ESRRG: variants seen among roughly 807,000 people sequenced by gnomAD.
ESRRG encodes the protein estrogen-related receptor gamma.
In ESRRG, 13 loss-of-function variants were observed where a neutral mutation model predicts 44.0. The observed-to-expected ratio is 0.30, with a 90% CI of 0.19 to 0.47. The LOEUF is 0.47. ESRRG is among the 20% of genes least tolerant of loss of function. The pLI is 1.00. For missense variants in ESRRG, 395 were observed against 580.6 expected, an observed-to-expected ratio of 0.68 and a Z score of 3.29; for synonymous variants, 215 against 214.6, an observed-to-expected ratio of 1.00 and a Z score of -0.02.
At chr1:216,876,152 A>G (rs1577530108) in intron 2 of ESRRG, among the ~76,000 whole-genome samples, 1 of 152,316 alleles carries the variant, frequency 6.6e-6, no homozygotes, top group East Asian at 1.9e-4. Context: ...CTGGAACAGT[A>G]CAATCTTGGA....
chr1:216,861,934 C>A (rs2149103028), intron 2 of ESRRG, among the ~76,000 whole-genome samples: 1 of 152,204 alleles, frequency 6.6e-6, no homozygotes, highest in South Asian at 2.1e-4. Context: ...TAAATGAGCA[C>A]ATGAAAGATG....
intron 3 of ESRRG, among the ~76,000 whole-genome samples, chr1:216,609,378 T>A (rs1029828898): frequency 2.0e-5 from 3 of 152,168 alleles, no homozygotes; most frequent in Non-Finnish European, 4.4e-5. Context: ...AAGTCAACAC[T>A]TATTCTGTAC....
At chr1:216,680,151 A>G (rs2076795590) in intron 1 of ESRRG, among the ~76,000 whole-genome samples, 1 of 152,184 alleles carries the variant, frequency 6.6e-6, no homozygotes, top group African/African-American at 2.4e-5. Context: ...CTTAATTAAT[A>G]TCTTTTGCCC....
Position 216,509,428 on chromosome 1 carries a change from T to C in ESRRG, c.1133-2245A>G, listed in dbSNP as rs531150414. Reference sequence around the variant, plus strand: ...CCAAATTCTATCATTTGGTCCTGTTTCTAATTACTAGAACAATACAGGATA... The same window carrying C: ...CCAAATTCTATCATTTGGTCCTGTTCCTAATTACTAGAACAATACAGGATA... On this transcript the variant is annotated intron_variant, in intron 6 of 6. Coordinates refer to ENST00000408911, the MANE Select transcript of ESRRG (RefSeq NM_001438.4). Among the ~76,000 whole-genome samples the C allele has an allele frequency of 2.4e-4, 36 of 152,330 alleles. No individual in the cohort carries two copies. In the South Asian group the frequency reaches 6.8e-3, roughly 29 times the overall value.
At chr1:217,028,941 A>T (rs1213693893) in intron 1 of ESRRG, among the ~76,000 whole-genome samples, 1 of 152,214 alleles carries the variant, frequency 6.6e-6, no homozygotes, top group African/African-American at 2.4e-5. Context: ...ACCAAAAGCT[A>T]TGTTAGCCAT....
chr1:216,833,720 C>T (rs530339446), intron 2 of ESRRG, among the ~76,000 whole-genome samples: 2 of 152,144 alleles, frequency 1.3e-5, no homozygotes, highest in Non-Finnish European at 2.9e-5. Flanking sequence ...AGTATAGCTG[C>T]CCTCAGGCTA....
intron 6 of ESRRG, among the ~76,000 whole-genome samples, chr1:216,511,026 G>C (rs1444664840): frequency 1.3e-5 from 2 of 152,106 alleles, no homozygotes; most frequent in Non-Finnish European, 2.9e-5. Context: ...GTATGGAATT[G>C]AATATTAGAT....
At chr1:216,659,830 C>A (rs1040058109) in intron 2 of ESRRG, among the ~76,000 whole-genome samples, 1 of 152,056 alleles carries the variant, frequency 6.6e-6, no homozygotes, top group African/African-American at 2.4e-5. Context: ...GTGGAATTGC[C>A]CCCTTCCTGT....
intron 1 of ESRRG, among the ~76,000 whole-genome samples, chr1:217,075,466 T>C (rs1158856614): frequency 1.3e-5 from 2 of 152,150 alleles, no homozygotes; most frequent in Admixed American, 1.3e-4. Context: ...CTAACACTTT[T>C]AGTCCTATCT....
intron 3 of ESRRG, among the ~76,000 whole-genome samples, chr1:216,593,439 C>T (rs939289272): frequency 1.3e-5 from 2 of 152,186 alleles, no homozygotes; most frequent in African/African-American, 4.8e-5. Context: ...ATTGGGCCTT[C>T]CCCATATCCC....
At chr1:216,613,262 T>C (rs1857405) in intron 3 of ESRRG, among the ~76,000 whole-genome samples, 96,022 of 152,012 alleles carry the variant, frequency 0.63, 30,412 homozygotes, top group African/African-American at 0.69. Context: ...ATAGGATTTA[T>C]AAGAATATTA....
At chr1:216,574,650 T>C (rs186188367) in intron 3 of ESRRG, among the ~76,000 whole-genome samples, 40 of 152,276 alleles carry the variant, frequency 2.6e-4, no homozygotes, top group African/African-American at 8.9e-4. Flanking sequence ...CTGAAAAGCA[T>C]TAATTTATCT....
At chr1:216,697,192 C>G (rs1436593326) in intron 1 of ESRRG, among the ~76,000 whole-genome samples, 2 of 152,150 alleles carry the variant, frequency 1.3e-5, no homozygotes, top group African/African-American at 4.8e-5. Context: ...TCTCAAACTC[C>G]TGACCTCAAG....
intron 2 of ESRRG, among the ~76,000 whole-genome samples, chr1:216,825,020 G>T (rs1260650512): frequency 6.6e-6 from 1 of 152,148 alleles, no homozygotes; most frequent in Non-Finnish European, 1.5e-5. Flanking sequence ...AGTGACAGAG[G>T]CCTGTCCTTG....
intron 1 of ESRRG, among the ~76,000 whole-genome samples, chr1:216,953,870 T>C (rs944720049): frequency 6.6e-6 from 1 of 152,028 alleles, no homozygotes. Flanking sequence ...ATTATAACTA[T>C]TAAAACAATC....
chr1:216,906,525 T>C (rs1021952487), intron 2 of ESRRG, among the ~76,000 whole-genome samples: 2 of 152,120 alleles, frequency 1.3e-5, no homozygotes, highest in African/African-American at 4.8e-5. Context: ...ACCCTAGGGA[T>C]GCACTCTCCC....
At chr1:216,905,334 G>T (rs549896711) in intron 2 of ESRRG, among the ~76,000 whole-genome samples, 5 of 151,806 alleles carry the variant, frequency 3.3e-5, no homozygotes, top group Non-Finnish European at 7.4e-5. Flanking sequence ...AACCACCCCA[G>T]CTCATTCCCA....
chr1:216,748,611 A>T, intron 2 of ESRRG, among the ~76,000 whole-genome samples: 1 of 152,206 alleles, frequency 6.6e-6, no homozygotes, highest in South Asian at 2.1e-4. Context: ...TGCTCAAGTT[A>T]CACAAGTAAG....
At chr1:216,591,811 G>A (rs966643464) in intron 3 of ESRRG, among the ~76,000 whole-genome samples, 4 of 152,132 alleles carry the variant, frequency 2.6e-5, no homozygotes, top group African/African-American at 9.7e-5. Context: ...ATAACTCATT[G>A]AATAAAATGG....
Sources: gnomAD v4.1 joint callset for allele counts (sites outside exome capture counted in the v4.1 genomes callset) on GRCh38, gnomAD v4.1.1 for gene constraint, MANE v1.5 for transcripts, NCBI Gene and HGNC (gene_info 2026-07-23, HGNC 2026-07-21) for gene names.